The following RXFP2 variants were observed in gnomAD, a reference collection of about 807,000 sequenced individuals.
The protein encoded by RXFP2 is relaxin family peptide receptor 2.
In RXFP2, 68 loss-of-function variants were observed where a neutral mutation model predicts 88.6. The observed-to-expected ratio is 0.77, with a 90% confidence interval of 0.63 to 0.94. RXFP2 has a LOEUF of 0.94. Among genes scored for constraint, RXFP2 ranks in the 40% least tolerant of loss-of-function variants. The pLI is 0.00. For missense variants in RXFP2, 791 were observed against 893.9 expected, an observed-to-expected ratio of 0.88 and a Z score of 1.47; for synonymous variants, 329 against 306.8, an observed-to-expected ratio of 1.07 and a Z score of -0.76.
rs1453644330 is a variant in RXFP2 at position 31,776,110 on chromosome 13, C to CT, written c.641+724dup. The stretch of plus-strand genomic sequence containing the variant: ...CTTCTTTCTTTCTTTTCTTTTCTTT[C>CT]TTTCTTTCTTTCTTTCTTTCTTTCT... On this transcript the variant is annotated intron_variant, in intron 7 of 17. Coordinates refer to ENST00000298386, the MANE Select transcript of RXFP2 (RefSeq NM_130806.5). Among the ~76,000 whole-genome samples the CT allele has an allele frequency of 2.8e-3, 393 of 138,268 alleles. 4 individuals are homozygous for CT. The highest frequency in any genetic ancestry group is 9.1e-3 in the African/African-American group (328 of 36,114). The allele number at this position is 138,268 out of a possible 152,430, so 90.7% of individuals were successfully genotyped here.
At chr13:31,765,175 C>A in intron 4 of RXFP2, 33 bp downstream of exon 4, 1 of 1,289,936 alleles carries the variant, frequency 7.8e-7, no homozygotes, top group Non-Finnish European at 1.1e-6. Context: ...TGATATCTGT[C>A]CCTATAGTCA....
chr13:31,763,794 G>T (rs757312864), intron 3 of RXFP2, among the ~76,000 whole-genome samples: 1 of 152,052 alleles, frequency 6.6e-6, no homozygotes, highest in Non-Finnish European at 1.5e-5. Flanking sequence ...CCAACCACAG[G>T]TTTTCAATTT....
At chr13:31,765,205 C>T (rs891142084) in intron 4 of RXFP2, 63 bp downstream of exon 4, 2 of 1,017,268 alleles carry the variant, frequency 2.0e-6, no homozygotes, top group Non-Finnish European at 3.1e-6. Flanking sequence ...CAAGAAAAAA[C>T]CCAATAGTGT....
Position 31,776,061 on chromosome 13 carries a change from C to CTTTCTTTCT in RXFP2, c.641+674_641+675insTCTTTCTTT, listed in dbSNP as rs1555284036. 1.5e-3 allele frequency among the ~76,000 whole-genome samples: 155 copies of CTTTCTTTCT among 103,898 alleles called. 1 individual carries two copies. The highest frequency in any genetic ancestry group is 2.2e-3 in the South Asian group (6 of 2,786). The allele number at this position is 103,898 out of a possible 152,430, so 68.2% of individuals were successfully genotyped here. ...TTTTTCTTTCTTTCCTTTCTTTCTT[C>CTTTCTTTCT]TTCTTTCTTTCTTTCTTTCCTTCCT... On this transcript the variant is annotated intron_variant, in intron 7 of 17. Transcript: ENST00000298386.
intron 4 of RXFP2, among the ~76,000 whole-genome samples, 175 bp downstream of exon 4, chr13:31,765,317 T>G (rs1373177610): frequency 7.9e-5 from 12 of 152,218 alleles, no homozygotes; most frequent in Admixed American, 7.9e-4. Context: ...GTTTACACAC[T>G]GTATGTTAGA....
chr13:31,756,621 A>AT (rs577728352), intron 1 of RXFP2, among the ~76,000 whole-genome samples: 58,388 of 133,932 alleles, frequency 0.44, 12,944 homozygotes, highest in East Asian at 0.6. Flanking sequence ...TGAAGTTCCA[A>AT]TTTTTTTTTT....
At chr13:31,756,533 A>G (rs1248986072) in intron 1 of RXFP2, among the ~76,000 whole-genome samples, 1 of 151,908 alleles carries the variant, frequency 6.6e-6, no homozygotes, top group Non-Finnish European at 1.5e-5. Flanking sequence ...CACTTTGCCC[A>G]CATCCCTCAT....
intron 3 of RXFP2, among the ~76,000 whole-genome samples, chr13:31,762,305 G>C (rs914907568): frequency 6.6e-6 from 1 of 152,222 alleles, no homozygotes; most frequent in African/African-American, 2.4e-5. Flanking sequence ...TTCCCAGAGA[G>C]GATAACATTT....
At chr13:31,741,326 C>A (rs903970621) in intron 1 of RXFP2, among the ~76,000 whole-genome samples, 2 of 152,044 alleles carry the variant, frequency 1.3e-5, no homozygotes, top group Non-Finnish European at 2.9e-5. Flanking sequence ...CTTTTGACTA[C>A]TAATTTAAAC....
intron 17 of RXFP2, among the ~76,000 whole-genome samples, chr13:31,801,501 A>G (rs1874341643): frequency 6.6e-6 from 1 of 152,116 alleles, no homozygotes; most frequent in Non-Finnish European, 1.5e-5. Context: ...TGTGCTAACC[A>G]AGCAAATGAA....
intron 10 of RXFP2, among the ~76,000 whole-genome samples, chr13:31,782,047 G>A (rs2138440974): frequency 6.6e-6 from 1 of 152,148 alleles, no homozygotes; most frequent in East Asian, 1.9e-4. Flanking sequence ...AATAATGTAT[G>A]TGAAAGGGGT....
At chr13:31,746,921 G>A (rs566755231) in intron 1 of RXFP2, among the ~76,000 whole-genome samples, 2 of 152,192 alleles carry the variant, frequency 1.3e-5, no homozygotes, top group South Asian at 4.2e-4. Context: ...TCAATCTGAG[G>A]GTGAGATGAT....
At chr13:31,759,009 T>C (rs1457501871) in intron 2 of RXFP2, among the ~76,000 whole-genome samples, 1 of 150,952 alleles carries the variant, frequency 6.6e-6, no homozygotes, top group East Asian at 2.0e-4. Context: ...ATGGCACCAC[T>C]GCACTCCAGC....
chr13:31,759,375 G>GAGAAGGAAAGAAAGAAAGAAAGAAAGAA (rs1453244832), intron 2 of RXFP2, among the ~76,000 whole-genome samples: 2 of 22,994 alleles, frequency 8.7e-5, no homozygotes, highest in African/African-American at 3.4e-4. Flanking sequence ...CATTTGGATT[G>GAGAAGGAAAGAAAGAAAGAAAGAAAGAA]AGAAAGAAAG....
chr13:31,794,629 A>T (rs754812767), intron 16 of RXFP2, among the ~76,000 whole-genome samples: 2 of 152,180 alleles, frequency 1.3e-5, no homozygotes, highest in Non-Finnish European at 2.9e-5. Context: ...AGATCTGAGT[A>T]ACAGGGAAGG....
At position 31,765,025 on chromosome 13, in the gene RXFP2, T is replaced by C. The variant is rs755507660; in HGVS notation, c.320-12T>C. 2.8e-6 allele frequency: 4 copies of C among 1,418,612 alleles called. No individual in the cohort carries two copies. The highest frequency in any genetic ancestry group is 4.0e-6 in the Non-Finnish European group (4 of 1,002,450). 87.9% of individuals were successfully genotyped at this position (1,418,612 alleles called of 1,614,324 possible). On this transcript the variant is annotated splice_polypyrimidine_tract_variant and intron_variant, in intron 3 of 17. Coordinates refer to ENST00000298386, the MANE Select transcript of RXFP2 (RefSeq NM_130806.5). ...GTTTACTAGTGAAATCTTACTCTTTTTGTCCCATTAGTTCTAAAACAGTAT... is the reference window on the plus strand; with the variant it reads ...GTTTACTAGTGAAATCTTACTCTTTCTGTCCCATTAGTTCTAAAACAGTAT...
intron 3 of RXFP2, 92 bp from the exon 4 acceptor site, chr13:31,764,945 C>T (rs1453204326): frequency 2.3e-5 from 17 of 737,566 alleles, no homozygotes; most frequent in Non-Finnish European, 3.4e-5. Flanking sequence ...TTTATACATT[C>T]GATGAAAAGA....
chr13:31,775,484 T>C (rs953781771), intron 7 of RXFP2, 95 bp downstream of exon 7: 1 of 924,396 alleles, frequency 1.1e-6, no homozygotes, highest in African/African-American at 1.6e-5. Flanking sequence ...ACATATCTTA[T>C]TTTTATACTT....
intron 3 of RXFP2, among the ~76,000 whole-genome samples, chr13:31,763,500 CAAAG>C (rs1456284291): frequency 6.6e-6 from 1 of 152,072 alleles, no homozygotes; most frequent in Non-Finnish European, 1.5e-5. Context: ...CCTCCCATGA[CAAAG>C]AACGATTGAT....
Sources: allele counts gnomAD v4.1 joint callset (sites outside exome capture counted in the v4.1 genomes callset), GRCh38; gene constraint gnomAD v4.1.1; transcripts MANE v1.5; gene names NCBI Gene and HGNC (gene_info 2026-07-23, HGNC 2026-07-21).